Variants in KIAA1328 observed in about 807,000 individuals in gnomAD.
KIAA1328 encodes KIAA1328, also known as protein hinderin.
Under a neutral mutation model 68.1 loss-of-function variants are expected in KIAA1328, and 52 were observed. That is an observed-to-expected ratio of 0.76 (90% CI 0.61 to 0.96). The LOEUF is 0.96. Ranked by LOEUF, KIAA1328 falls within the 40% of genes least tolerant of loss-of-function variation. KIAA1328 has a pLI of 0.00. For missense variants in KIAA1328, 641 were observed against 677.6 expected (o/e 0.95, Z 0.60); for synonymous variants, 232 against 239.4 (o/e 0.97, Z 0.28).
intron 5 of KIAA1328, 40 bp downstream of exon 5, chr18:36,885,712 T>TCAAACTTC: frequency 7.6e-7 from 1 of 1,316,412 alleles, no homozygotes; most frequent in Non-Finnish European, 1.1e-6. Flanking sequence ...GTTCAAGAAG[T>TCAAACTTC]TTGACTATTT....
chr18:37,005,277 G>A (rs553789108), intron 6 of KIAA1328, among the ~76,000 whole-genome samples: 5 of 152,068 alleles, frequency 3.3e-5, no homozygotes, highest in Admixed American at 2.6e-4. Flanking sequence ...AAAAAACAGA[G>A]GTGGGCAAAG....
At chr18:36,964,516 C>T (rs2051832628) in intron 6 of KIAA1328, among the ~76,000 whole-genome samples, 1 of 152,076 alleles carries the variant, frequency 6.6e-6, no homozygotes, top group African/African-American at 2.4e-5. Flanking sequence ...GAAGAATGCC[C>T]TAGCTTATGA....
intron 5 of KIAA1328, among the ~76,000 whole-genome samples, chr18:36,906,073 C>T (rs2049210521): frequency 2.0e-5 from 3 of 152,112 alleles, no homozygotes; most frequent in African/African-American, 7.2e-5. Flanking sequence ...CTTACTATCA[C>T]CATTCACTTT....
intron 8 of KIAA1328, among the ~76,000 whole-genome samples, chr18:37,169,779 GTAAA>G (rs989520799): frequency 7.2e-5 from 11 of 152,098 alleles, no homozygotes; most frequent in Admixed American, 2.0e-4. Flanking sequence ...TCAGAATTTG[GTAAA>G]AGATATGGTT....
At chr18:37,036,232 G>A (rs544315062) in intron 6 of KIAA1328, among the ~76,000 whole-genome samples, 2 of 152,212 alleles carry the variant, frequency 1.3e-5, no homozygotes, top group African/African-American at 2.4e-5. Context: ...AGCATTGAAA[G>A]GTAACGTTGT....
Position 37,223,236 on chromosome 18 carries a change from G to A in KIAA1328, c.*1009G>A, listed in dbSNP as rs939509731. 1 of 985,178 alleles carries A rather than the reference G, an allele frequency of 1.0e-6. No homozygotes were observed. Among genetic ancestry groups the A allele is most frequent in the African/African-American group, 1.7e-5 (1 of 57,174 alleles). 61.0% of individuals were successfully genotyped at this position (985,178 alleles called of 1,614,324 possible). ...AGGCCTCACAGGTGCTCTGCTCGTG[G>A]CCCCAAAGAACCATCTCTACTTGCC... On this transcript the variant is annotated 3_prime_UTR_variant, in exon 10 of 10. Transcript: ENST00000280020.
chr18:37,216,493 G>T (rs910983085), intron 9 of KIAA1328, among the ~76,000 whole-genome samples: 2 of 152,124 alleles, frequency 1.3e-5, no homozygotes, highest in Admixed American at 6.5e-5. Flanking sequence ...GAATTTGATT[G>T]CACCGTGGTT....
At chr18:36,985,995 C>G (rs2052907032) in intron 6 of KIAA1328, among the ~76,000 whole-genome samples, 1 of 152,138 alleles carries the variant, frequency 6.6e-6, no homozygotes, top group Non-Finnish European at 1.5e-5. Context: ...AACTGGAACT[C>G]TTATGCACTG....
chr18:36,874,602 T>A (rs1292844372), intron 4 of KIAA1328, among the ~76,000 whole-genome samples: 1 of 152,214 alleles, frequency 6.6e-6, no homozygotes, highest in African/African-American at 2.4e-5. Flanking sequence ...GATGGATAGA[T>A]TGCAAAAATT....
At chr18:37,065,776 A>G (rs139611643) in intron 6 of KIAA1328, among the ~76,000 whole-genome samples, 93 of 152,328 alleles carry the variant, frequency 6.1e-4, no homozygotes, top group Admixed American at 5.9e-4. Flanking sequence ...AACACATGCA[A>G]CATTTACATT....
At chr18:37,048,835 G>A (rs2055579105) in intron 6 of KIAA1328, among the ~76,000 whole-genome samples, 1 of 152,140 alleles carries the variant, frequency 6.6e-6, no homozygotes, top group Non-Finnish European at 1.5e-5. Flanking sequence ...TAAGTTACCT[G>A]TTAAGTTCCT....
rs1270234881 is a variant in KIAA1328, at chr18:36,844,543, G to A, written c.332+241G>A. Among the ~76,000 whole-genome samples the A allele has an allele frequency of 5.9e-5, 9 of 151,988 alleles. No individual in the cohort carries two copies. The East Asian group carries it at 1.7e-3, about 29-fold the overall frequency. Reference sequence around the variant, plus strand: ...TACTTAACTTTCCCAATTGTTTGATGCAAATATTTGTAGCGGTCATCTATT... The same window carrying A: ...TACTTAACTTTCCCAATTGTTTGATACAAATATTTGTAGCGGTCATCTATT... On this transcript the variant is annotated intron_variant, in intron 4 of 9. Transcript: ENST00000280020.
At position 36,844,142 on chromosome 18, in the gene KIAA1328, A is replaced by C. The variant is rs1050698461; in HGVS notation, c.238-66A>C. On this transcript the variant is annotated intron_variant, in intron 3 of 9. Transcript: ENST00000280020. ...ATCTAAGAAATTTCACCTTGCACCT[A>C]GGTTTCTTGAAAAGACTTTAAAAAT... 3 of 993,260 alleles carry C rather than the reference A, an allele frequency of 3.0e-6. No homozygotes were observed. In the African/African-American group the frequency reaches 5.0e-5, roughly 17 times the overall value. 61.5% of individuals were successfully genotyped at this position (993,260 alleles called of 1,614,324 possible).
chr18:36,838,933 C>G (rs2046767922), intron 3 of KIAA1328, among the ~76,000 whole-genome samples: 1 of 152,142 alleles, frequency 6.6e-6, no homozygotes, highest in Non-Finnish European at 1.5e-5. Flanking sequence ...TGGGGTTTCA[C>G]CATGTTGGTC....
intron 5 of KIAA1328, among the ~76,000 whole-genome samples, chr18:36,944,814 A>G (rs1279158894): frequency 2.0e-5 from 3 of 152,214 alleles, no homozygotes; most frequent in Non-Finnish European, 4.4e-5. Flanking sequence ...TCAGGTTGTT[A>G]CATTTAACAA....
At chr18:36,858,745 A>G (rs1486361936) in intron 4 of KIAA1328, among the ~76,000 whole-genome samples, 1 of 152,186 alleles carries the variant, frequency 6.6e-6, no homozygotes, top group Admixed American at 6.5e-5. Flanking sequence ...GATATCTTCT[A>G]GGACTAGACT....
At chr18:37,153,020 C>G (rs996402009) in intron 7 of KIAA1328, among the ~76,000 whole-genome samples, 2 of 152,140 alleles carry the variant, frequency 1.3e-5, no homozygotes, top group South Asian at 2.1e-4. Context: ...AGTAAAGGAA[C>G]AGGCAACATG....
chr18:37,099,079 A>G (rs1046019011), intron 7 of KIAA1328, among the ~76,000 whole-genome samples: 22 of 151,908 alleles, frequency 1.4e-4, no homozygotes, highest in South Asian at 8.3e-4. Context: ...ATTTCCTTCA[A>G]TTCTGCTCTG....
intron 7 of KIAA1328, among the ~76,000 whole-genome samples, chr18:37,100,106 C>T (rs146647533): frequency 0.013 from 2,003 of 152,238 alleles, 28 homozygotes; most frequent in Non-Finnish European, 0.02. Context: ...ATGCAGAAGA[C>T]GGGTCATTTC....
Sources: gnomAD v4.1 joint callset for allele counts (sites outside exome capture counted in the v4.1 genomes callset) on GRCh38, gnomAD v4.1.1 for gene constraint, MANE v1.5 for transcripts, NCBI Gene and HGNC (gene_info 2026-07-23, HGNC 2026-07-21) for gene names.